Variants in SLC4A5 observed in about 807,000 individuals in gnomAD.
SLC4A5 encodes the protein solute carrier family 4 member 5, also known as electrogenic sodium bicarbonate cotransporter 4.
Under a neutral mutation model 120.4 loss-of-function variants are expected in SLC4A5, and 96 were observed. That is an observed-to-expected ratio of 0.80 (90% confidence interval 0.68 to 0.94). SLC4A5 has a LOEUF of 0.94. SLC4A5 is among the 40% of genes least tolerant of loss of function. SLC4A5 has a pLI of 0.00. For missense variants in SLC4A5, 1,259 were observed against 1,459.5 expected, an observed-to-expected ratio of 0.86 and a Z score of 2.24; for synonymous variants, 550 against 571.1, an observed-to-expected ratio of 0.96 and a Z score of 0.53.
chr2:74,264,370 C>A (rs1671235410), intron 9 of SLC4A5, 71 bp from the exon 10 acceptor site: 1 of 1,510,110 alleles, frequency 6.6e-7, no homozygotes, highest in African/African-American at 1.4e-5. Context: ...TCTTCAGTTT[C>A]ACCTGTTATT....
chr2:74,271,221 G>A (rs765443734), intron 8 of SLC4A5, among the ~76,000 whole-genome samples: 4 of 152,074 alleles, frequency 2.6e-5, no homozygotes, highest in African/African-American at 4.8e-5. Flanking sequence ...ACTGCCCAGC[G>A]AGAATGCCCC....
intron 7 of SLC4A5, among the ~76,000 whole-genome samples, chr2:74,299,940 C>T (rs1380021837): frequency 1.3e-5 from 2 of 152,162 alleles, no homozygotes; most frequent in Admixed American, 6.5e-5. Flanking sequence ...CAGCATTATT[C>T]ACAATAGCCA....
At chr2:74,246,184 G>A (rs1279029245) in intron 19 of SLC4A5, among the ~76,000 whole-genome samples, 1 of 152,254 alleles carries the variant, frequency 6.6e-6, no homozygotes, top group African/African-American at 2.4e-5. Context: ...TGGCCAGAAA[G>A]TAACTCCACA....
intron 8 of SLC4A5, among the ~76,000 whole-genome samples, chr2:74,268,016 C>G (rs1359879338): frequency 6.6e-6 from 1 of 151,474 alleles, no homozygotes; most frequent in East Asian, 1.9e-4. Flanking sequence ...AGAGCACAGT[C>G]TATGAAGCAA....
chr2:74,277,971 TG>T (rs1236662473), intron 8 of SLC4A5, among the ~76,000 whole-genome samples: 2 of 152,054 alleles, frequency 1.3e-5, no homozygotes, highest in African/African-American at 4.8e-5. Context: ...TAGATAAATA[TG>T]AAACTTTGAT....
intron 8 of SLC4A5, among the ~76,000 whole-genome samples, chr2:74,285,049 T>C (rs778217423): frequency 2.0e-5 from 3 of 152,062 alleles, no homozygotes; most frequent in Non-Finnish European, 2.9e-5. Context: ...TTAAAGAACA[T>C]CCTGGGTAAA....
At chr2:74,337,097 T>C (rs761813052) in intron 3 of SLC4A5, among the ~76,000 whole-genome samples, 52 of 152,152 alleles carry the variant, frequency 3.4e-4, no homozygotes, top group South Asian at 1.2e-3. Flanking sequence ...TTGAGAAACA[T>C]TGACTTTGCT....
At chr2:74,228,318 C>A (rs771809553) in intron 25 of SLC4A5, among the ~76,000 whole-genome samples, 2 of 152,128 alleles carry the variant, frequency 1.3e-5, no homozygotes, top group Non-Finnish European at 2.9e-5. Context: ...AGCGAGTACC[C>A]GGGACACTTA....
intron 7 of SLC4A5, among the ~76,000 whole-genome samples, 196 bp downstream of exon 7, chr2:74,304,293 T>C (rs9309483): frequency 0.36 from 54,250 of 151,974 alleles, 16,399 homozygotes; most frequent in East Asian, 0.83. Flanking sequence ...AAAGACAGGG[T>C]GTCAGTCTGA....
intron 16 of SLC4A5, 146 bp downstream of exon 16, chr2:74,252,033 G>C (rs1670807108): frequency 1.2e-6 from 1 of 856,140 alleles, no homozygotes; most frequent in East Asian, 2.5e-5. Flanking sequence ...ATCCATGATG[G>C]GGTTCAAGGG....
intron 26 of SLC4A5, chr2:74,227,467 T>C (rs1694886659): frequency 6.3e-7 from 1 of 1,581,114 alleles, no homozygotes; most frequent in African/African-American, 1.4e-5. Flanking sequence ...AAATGTTTTC[T>C]TCTGCATAGC....
chr2:74,310,024 G>A (rs1290128444), intron 6 of SLC4A5, among the ~76,000 whole-genome samples: 1 of 152,048 alleles, frequency 6.6e-6, no homozygotes, highest in Admixed American at 6.6e-5. Context: ...TTTTTCTCAT[G>A]TAGATCCTGT....
chr2:74,233,464 G>A (rs1385117676), exon 23 of SLC4A5: 2 of 1,614,130 alleles, frequency 1.2e-6, no homozygotes, highest in African/African-American at 1.3e-5. Flanking sequence ...ATGAAGATCA[G>A]GATGGTCACC....
chr2:74,321,903 G>T (rs1423666116), intron 5 of SLC4A5, among the ~76,000 whole-genome samples: 1 of 151,840 alleles, frequency 6.6e-6, no homozygotes, highest in African/African-American at 2.4e-5. Flanking sequence ...CCCTATTCTA[G>T]CCAATGAGAT....
chr2:74,245,509 C>A (rs902344340), intron 19 of SLC4A5, among the ~76,000 whole-genome samples: 11 of 152,064 alleles, frequency 7.2e-5, no homozygotes, highest in African/African-American at 2.7e-4. Context: ...TGCTCCAGGG[C>A]AGAATGAAAA....
intron 8 of SLC4A5, among the ~76,000 whole-genome samples, chr2:74,271,937 G>A (rs1033311519): frequency 2.6e-5 from 4 of 152,034 alleles, no homozygotes; most frequent in Non-Finnish European, 4.4e-5. Context: ...AAAATAATTA[G>A]CCAGGTGTGG....
At chr2:74,222,978 G>A (rs1694707756) in intron 28 of SLC4A5, 26 bp from the exon 29 acceptor site, 1 of 1,497,146 alleles carries the variant, frequency 6.7e-7, no homozygotes, top group South Asian at 1.2e-5. Context: ...GGGAAAAGAG[G>A]ATAAACACCA....
At chr2:74,268,249 A>G (rs113178787) in intron 8 of SLC4A5, among the ~76,000 whole-genome samples, 8 of 152,350 alleles carry the variant, frequency 5.3e-5, no homozygotes, top group African/African-American at 1.9e-4. Context: ...AGAAGAAAGC[A>G]AAGTCATTCA....
intron 20 of SLC4A5, among the ~76,000 whole-genome samples, chr2:74,241,291 G>A (rs1251151843): frequency 7.7e-6 from 1 of 130,056 alleles, no homozygotes; most frequent in Admixed American, 7.6e-5. Flanking sequence ...ATTGAGACAG[G>A]GTCTCGCTCT....
Sources: allele counts gnomAD v4.1 joint callset (sites outside exome capture counted in the v4.1 genomes callset), GRCh38; gene constraint gnomAD v4.1.1; transcripts MANE v1.5; gene names NCBI Gene and HGNC (gene_info 2026-07-23, HGNC 2026-07-21).